The following ST3GAL3 variants were observed in gnomAD, a reference collection of about 807,000 sequenced individuals.
ST3GAL3 encodes the protein ST3 beta-galactoside alpha-2,3-sialyltransferase 3, also known as CMP-N-acetylneuraminate-beta-1,4-galactoside alpha-2,3-sialyltransferase.
Under a neutral mutation model 50.1 loss-of-function variants are expected in ST3GAL3, and 21 were observed. The ratio of observed to expected loss-of-function variants is 0.42; its 90% CI spans 0.30 to 0.60. ST3GAL3 has a LOEUF of 0.60. ST3GAL3 is among the 20% of genes least tolerant of loss of function. The probability of loss-of-function intolerance (pLI) is 0.19; values close to 1 mark genes in which losing one functional copy is unlikely to be tolerated. For synonymous variants in ST3GAL3, 183 were observed against 190.0 expected (o/e 0.96, Z 0.30); for missense variants, 353 against 489.4 (o/e 0.72, Z 2.63).
At chr1:43,831,299 A>G (rs948329048) in intron 4 of ST3GAL3, among the ~76,000 whole-genome samples, 6 of 152,240 alleles carry the variant, frequency 3.9e-5, no homozygotes, top group African/African-American at 1.4e-4. Context: ...AAAGGTAGAC[A>G]GGGCCCTGGC....
At chr1:43,875,897 CTCTTCT>C (rs66500354) in intron 5 of ST3GAL3, among the ~76,000 whole-genome samples, 3,099 of 133,862 alleles carry the variant, frequency 0.023, 57 homozygotes, top group Middle Eastern at 0.045. Context: ...TTTAGAATTT[CTCTTCT>C]TCTTCTTCTT....
At position 43,792,107 on chromosome 1, in the gene ST3GAL3, G is replaced by A. The variant is rs1388898386; in HGVS notation, c.124G>A (p.Val42Met). The A allele has an allele frequency of 6.2e-7, 1 of 1,614,234 alleles. No individual in the cohort carries two copies. Among genetic ancestry groups the A allele is most frequent in the Non-Finnish European group, 8.5e-7 (1 of 1,180,042 alleles). ...LLQWEEDSNS[V>M]VLSFDSAGQT... The stretch of plus-strand genomic sequence containing the variant: ...CTTGTCCTCTTGTGTTGCAGATTCA[G>A]TGGTTCTTTCCTTTGACTCCGCTGG... Residue 42 changes from valine (V) to methionine (M), a missense_variant, in exon 3 of 12, where the codon GTG (valine) becomes ATG (methionine). Physicochemically the swap from Val to Met is conservative, Grantham distance 21 (BLOSUM62 1). Coordinates refer to ENST00000347631, the MANE Select transcript of ST3GAL3 (RefSeq NM_006279.5).
chr1:43,777,426 A>AGACAC (rs549961227), intron 2 of ST3GAL3, among the ~76,000 whole-genome samples: 83 of 152,344 alleles, frequency 5.4e-4, no homozygotes, highest in Non-Finnish European at 1.0e-3. Flanking sequence ...GTACAAAAAC[A>AGACAC]GACACATAGA....
At chr1:43,904,989 T>C (rs1393948071) in intron 9 of ST3GAL3, among the ~76,000 whole-genome samples, 11 of 48,716 alleles carry the variant, frequency 2.3e-4, no homozygotes, top group Admixed American at 2.3e-4. Flanking sequence ...CCCACCACTC[T>C]TCCCCCTCCT....
At chr1:43,759,065 G>GCGCGCA (rs60386464) in intron 2 of ST3GAL3, among the ~76,000 whole-genome samples, 1,025 of 75,424 alleles carry the variant, frequency 0.014, 13 homozygotes, top group African/African-American at 0.035. Context: ...AAAAGCGCGC[G>GCGCGCA]CACACACACA....
intron 3 of ST3GAL3, among the ~76,000 whole-genome samples, chr1:43,792,619 C>G (rs1401285395): frequency 6.6e-6 from 1 of 152,182 alleles, no homozygotes; most frequent in African/African-American, 2.4e-5. Flanking sequence ...AAATACAGAC[C>G]TCTTCCAGGA....
At chr1:43,877,818 C>T (rs2074386533) in intron 5 of ST3GAL3, among the ~76,000 whole-genome samples, 1 of 152,202 alleles carries the variant, frequency 6.6e-6, no homozygotes, top group Non-Finnish European at 1.5e-5. Flanking sequence ...GTGCCCCTTC[C>T]CTGAAGGTAG....
At chr1:43,887,195 G>A (rs1200585243) in intron 5 of ST3GAL3, among the ~76,000 whole-genome samples, 2 of 152,222 alleles carry the variant, frequency 1.3e-5, no homozygotes, top group East Asian at 1.9e-4. Flanking sequence ...TCATAAATTT[G>A]TGGTGGCATC....
chr1:43,822,527 C>T (rs913143327), intron 4 of ST3GAL3, among the ~76,000 whole-genome samples: 2 of 152,156 alleles, frequency 1.3e-5, no homozygotes. Flanking sequence ...ACCCCCAGAG[C>T]CTTGTGAAAA....
chr1:43,878,063 G>A (rs2074419979), intron 5 of ST3GAL3, among the ~76,000 whole-genome samples: 1 of 152,204 alleles, frequency 6.6e-6, no homozygotes, highest in African/African-American at 2.4e-5. Flanking sequence ...GGTGTTAGCA[G>A]GGCTGGGCTC....
chr1:43,710,086 C>T (rs1187828790), intron 1 of ST3GAL3, among the ~76,000 whole-genome samples: 1 of 151,958 alleles, frequency 6.6e-6, no homozygotes, highest in South Asian at 2.1e-4. Context: ...TTTCTGGCAT[C>T]TGCTTCTATT....
rs2082857900 is a variant in ST3GAL3, at chr1:43,920,551, G to T, written c.891+1G>T. On this transcript the variant is annotated splice_donor_variant, in intron 10 of 11. Coordinates refer to ENST00000347631, the MANE Select transcript of ST3GAL3 (RefSeq NM_006279.5). LOFTEE classifies it high-confidence loss of function. ...CAACAATGGCCTCATGGGCCGGGGG[G>T]TGAGATATCTGGGCCCTGGGAGAGG... 1 of 1,613,958 alleles carries T rather than the reference G, an allele frequency of 6.2e-7. No homozygotes were observed. The highest frequency in any genetic ancestry group is 8.5e-7 in the Non-Finnish European group (1 of 1,179,836).
intron 4 of ST3GAL3, among the ~76,000 whole-genome samples, chr1:43,819,519 C>T (rs1227087703): frequency 1.3e-5 from 2 of 152,138 alleles, no homozygotes; most frequent in Non-Finnish European, 2.9e-5. Context: ...TGGCTTTGGC[C>T]CACAAGTGTA....
intron 2 of ST3GAL3, among the ~76,000 whole-genome samples, chr1:43,790,803 T>G (rs546252771): frequency 1.3e-5 from 2 of 151,934 alleles, no homozygotes; most frequent in East Asian, 3.9e-4. Context: ...GCTAATTTTT[T>G]TTTTTTGTAT....
Position 43,754,644 on chromosome 1 carries a change from G to GA in ST3GAL3, c.118+18265dup, listed in dbSNP as rs1444195276. On this transcript the variant is annotated intron_variant, in intron 2 of 11. Transcript: ENST00000347631. ...ATTCAGGCAGACTAAAGATTTAAAT[G>GA]AGACTGGTAAAATTAGAAAGTAACC... Among the ~76,000 whole-genome samples the GA allele has an allele frequency of 1.2e-4, 19 of 152,166 alleles. 1 individual carries two copies. Among genetic ancestry groups the GA allele is most frequent in the Non-Finnish European group, 2.9e-5 (2 of 68,032 alleles).
At chr1:43,784,475 C>T (rs941680005) in intron 2 of ST3GAL3, among the ~76,000 whole-genome samples, 29 of 152,194 alleles carry the variant, frequency 1.9e-4, no homozygotes, top group Admixed American at 1.6e-3. Context: ...CACCACTGTA[C>T]TCCAGCCTGG....
chr1:43,784,559 G>A (rs1267677244), intron 2 of ST3GAL3, among the ~76,000 whole-genome samples: 1 of 152,292 alleles, frequency 6.6e-6, no homozygotes, highest in African/African-American at 2.4e-5. Flanking sequence ...AACTTCTCTA[G>A]AGACTTGTAA....
Position 43,817,161 on chromosome 1 carries a change from CT to C in ST3GAL3, c.209+2231del, listed in dbSNP as rs1339286022. Among the ~76,000 whole-genome samples the C allele has an allele frequency of 3.6e-4, 55 of 152,278 alleles. No individual in the cohort carries two copies. The East Asian group carries it at 9.1e-3, about 25-fold the overall frequency. On this transcript the variant is annotated intron_variant, in intron 4 of 11. Transcript: ENST00000347631. ...ACCTTAGATAATTATTATATTTTAG[CT>C]TTCTGAATCCCAATTTTCCTTTATG...
intron 4 of ST3GAL3, among the ~76,000 whole-genome samples, chr1:43,827,315 C>T (rs1416227723): frequency 1.3e-5 from 2 of 152,014 alleles, no homozygotes; most frequent in Non-Finnish European, 2.9e-5. Flanking sequence ...AAATTTAAAA[C>T]ACGGTGTCAT....
Sources: allele counts gnomAD v4.1 joint callset (sites outside exome capture counted in the v4.1 genomes callset), GRCh38; gene constraint gnomAD v4.1.1; transcripts MANE v1.5; gene names NCBI Gene and HGNC (gene_info 2026-07-23, HGNC 2026-07-21).